STPG2: variants seen among roughly 807,000 people sequenced by gnomAD.
STPG2 encodes sperm-tail PG-rich repeat-containing protein 2.
STPG2 carries 56 observed loss-of-function variants against 54.2 expected under a neutral mutation model. That is an observed-to-expected ratio of 1.03 (90% CI 0.83 to 1.29). The LOEUF (loss-of-function observed/expected upper bound fraction) is 1.29. Among genes scored for constraint, STPG2 ranks in the 50% most tolerant of loss-of-function variants. STPG2 has a pLI of 0.00. For missense variants in STPG2, 596 were observed against 544.9 expected, an observed-to-expected ratio of 1.09 and a Z score of -0.93; for synonymous variants, 200 against 181.8, an observed-to-expected ratio of 1.10 and a Z score of -0.81.
intron 9 of STPG2, among the ~76,000 whole-genome samples, chr4:97,804,560 C>T (rs1727495620): frequency 6.6e-6 from 1 of 151,812 alleles, no homozygotes; most frequent in African/African-American, 2.4e-5. Flanking sequence ...AGCATTATTA[C>T]AAAATAATCA....
intron 9 of STPG2, among the ~76,000 whole-genome samples, chr4:97,807,097 A>G (rs1318836025): frequency 2.0e-5 from 3 of 151,734 alleles, no homozygotes; most frequent in Non-Finnish European, 4.4e-5. Flanking sequence ...TTTCTATAAT[A>G]TAAATGATAT....
chr4:97,573,555 T>C (rs892129466), intron 10 of STPG2, among the ~76,000 whole-genome samples: 2 of 151,840 alleles, frequency 1.3e-5, no homozygotes, highest in East Asian at 1.9e-4. Flanking sequence ...AATTATAATA[T>C]AAAAAATGGA....
intron 9 of STPG2, among the ~76,000 whole-genome samples, chr4:97,817,510 C>T (rs530267571): frequency 2.0e-5 from 3 of 151,990 alleles, no homozygotes; most frequent in South Asian, 4.1e-4. Context: ...TCCAAATTTT[C>T]CTTATAAATA....
chr4:97,566,452 G>A (rs182311577), intron 10 of STPG2, among the ~76,000 whole-genome samples: 13 of 152,192 alleles, frequency 8.5e-5, no homozygotes, highest in Admixed American at 1.3e-4. Context: ...ACTGTCCTGC[G>A]CCCACTGTCT....
intron 10 of STPG2, among the ~76,000 whole-genome samples, chr4:97,605,498 G>A (rs1056519934): frequency 6.6e-6 from 1 of 151,650 alleles, no homozygotes; most frequent in Non-Finnish European, 1.5e-5. Flanking sequence ...CCAGTTCATG[G>A]TTTTAAGACC....
intron 8 of STPG2, among the ~76,000 whole-genome samples, chr4:97,942,002 A>G (rs1365014609): frequency 6.6e-6 from 1 of 151,970 alleles, no homozygotes; most frequent in Non-Finnish European, 1.5e-5. Flanking sequence ...GGACAAAGTT[A>G]AAAGAAAAAT....
chr4:97,879,809 A>G (rs1329064352), intron 8 of STPG2, among the ~76,000 whole-genome samples: 1 of 152,334 alleles, frequency 6.6e-6, no homozygotes, highest in East Asian at 1.9e-4. Flanking sequence ...GACAAATGAT[A>G]TCAAGGTGAG....
chr4:97,922,007 C>T (rs1732127775), intron 8 of STPG2, among the ~76,000 whole-genome samples: 1 of 152,054 alleles, frequency 6.6e-6, no homozygotes, highest in South Asian at 2.1e-4. Context: ...ATGGTGGTTT[C>T]CAGGAGCTGG....
chr4:98,051,994 G>A (rs1205946901), intron 5 of STPG2, among the ~76,000 whole-genome samples: 1 of 151,866 alleles, frequency 6.6e-6, no homozygotes, highest in African/African-American at 2.4e-5. Context: ...GGCTGAGGCA[G>A]GAGAATCATT....
chr4:97,773,647 T>C (rs1726283751), intron 9 of STPG2, among the ~76,000 whole-genome samples: 1 of 152,050 alleles, frequency 6.6e-6, no homozygotes, highest in African/African-American at 2.4e-5. Flanking sequence ...TTGGCAAAAA[T>C]AGTCACATTT....
intron 4 of STPG2, among the ~76,000 whole-genome samples, chr4:97,538,673 A>G (rs1374778893): frequency 6.6e-6 from 1 of 152,212 alleles, no homozygotes; most frequent in East Asian, 1.9e-4. Context: ...CAAAATTCAA[A>G]TTCAGGAAAT....
intron 8 of STPG2, among the ~76,000 whole-genome samples, chr4:97,842,406 A>G (rs1200206804): frequency 6.6e-6 from 1 of 151,896 alleles, no homozygotes; most frequent in Non-Finnish European, 1.5e-5. Flanking sequence ...GGTATGTGAA[A>G]AGAAACCGGA....
intron 10 of STPG2, among the ~76,000 whole-genome samples, chr4:97,560,642 T>C (rs116684230): frequency 2.2e-3 from 337 of 152,186 alleles, no homozygotes; most frequent in African/African-American, 7.9e-3. Flanking sequence ...GAAGTACCCA[T>C]AGGCAAAAAT....
At chr4:97,832,093 T>C (rs973088894) in intron 9 of STPG2, among the ~76,000 whole-genome samples, 2 of 152,172 alleles carry the variant, frequency 1.3e-5, no homozygotes, top group African/African-American at 4.8e-5. Flanking sequence ...CCAATATCCC[T>C]GATAAACATT....
chr4:97,449,300 T>G (rs543894596), intron 4 of STPG2, among the ~76,000 whole-genome samples: 5 of 152,306 alleles, frequency 3.3e-5, no homozygotes, highest in Middle Eastern at 3.4e-3. Flanking sequence ...ACTTTCCAGA[T>G]GTGCCTTCTC....
At chr4:97,500,708 A>G (rs983842896) in intron 4 of STPG2, among the ~76,000 whole-genome samples, 1 of 152,030 alleles carries the variant, frequency 6.6e-6, no homozygotes, top group African/African-American at 2.4e-5. Flanking sequence ...AATGAGTGTC[A>G]AGTGCTATGT....
At chr4:97,563,430 C>T (rs1295332062) in intron 10 of STPG2, among the ~76,000 whole-genome samples, 1 of 152,088 alleles carries the variant, frequency 6.6e-6, no homozygotes, top group East Asian at 1.9e-4. Context: ...TTTTGTGTCT[C>T]TATTTCCTTC....
In STPG2 at chr4:97,535,592, C is replaced by G. The variant is rs184870459; in HGVS notation, c.462+177107G>C. 2.6e-3 allele frequency among the ~76,000 whole-genome samples: 391 copies of G among 152,168 alleles called. 2 individuals carry two copies. The highest frequency in any genetic ancestry group is 8.6e-3 in the African/African-American group (359 of 41,534). ...TTCCATTTTCTCTATTTTGTATTGTCTCTGTTCAGAAGTTGATAGTTACCT... is the reference window on the plus strand; with the variant it reads ...TTCCATTTTCTCTATTTTGTATTGTGTCTGTTCAGAAGTTGATAGTTACCT... On this transcript the variant is annotated intron_variant, in intron 4 of 4. Coordinates refer to the STPG2 transcript ENST00000522676.
chr4:97,918,687 C>A (rs1401027067), intron 8 of STPG2, among the ~76,000 whole-genome samples: 1 of 151,866 alleles, frequency 6.6e-6, no homozygotes, highest in Non-Finnish European at 1.5e-5. Context: ...GAGTTAGAGA[C>A]CATTATTCAA....
Sources: gnomAD v4.1 joint callset for allele counts (sites outside exome capture counted in the v4.1 genomes callset) on GRCh38, gnomAD v4.1.1 for gene constraint, MANE v1.5 for transcripts, NCBI Gene and HGNC (gene_info 2026-07-23, HGNC 2026-07-21) for gene names.